MMACHC: variants seen among roughly 807,000 people sequenced by gnomAD.
MMACHC encodes metabolism of cobalamin associated C, also known as cyanocobalamin reductase / alkylcobalamin dealkylase.
Under a neutral mutation model 17.6 loss-of-function variants are expected in MMACHC, and 14 were observed. The ratio of observed to expected loss-of-function variants is 0.80; its 90% CI spans 0.53 to 1.25. The LOEUF (loss-of-function observed/expected upper bound fraction) is 1.25. MMACHC is among the 50% of genes most tolerant of loss of function. The probability of loss-of-function intolerance (pLI) is 0.00; values close to 1 mark genes in which losing one functional copy is unlikely to be tolerated. For missense variants in MMACHC, 392 were observed against 364.5 expected (o/e 1.08, Z -0.62); for synonymous variants, 151 against 142.1 (o/e 1.06, Z -0.45).
At chr1:45,506,995 T>C (rs949741054) in intron 1 of MMACHC, among the ~76,000 whole-genome samples, 4 of 151,806 alleles carry the variant, frequency 2.6e-5, no homozygotes, top group African/African-American at 7.2e-5. Context: ...GGCGAAACCC[T>C]GTCTCTACTA....
In MMACHC at chr1:45,500,371, G is replaced by A. The variant is rs764626433; in HGVS notation, c.39G>A (p.Glu13=). The A allele has an allele frequency of 1.2e-6, 2 of 1,614,170 alleles. No individual in the cohort carries two copies. Among genetic ancestry groups the A allele is most frequent in the Middle Eastern group, 1.7e-4 (1 of 6,040 alleles). Residue 13 remains glutamate (E), a synonymous_variant, in exon 1 of 4, where the codon GAG becomes GAA. Transcript: ENST00000401061. ...PKVAELKQKI[E]DTLCPFGFEV... ...TCGCAGAGCTGAAGCAGAAGATCGA[G>A]GACACGCTATGTCCTTTTGGCTTCG...
Position 45,506,482 on chromosome 1 carries a change from T to TTTA in MMACHC, c.82-859_82-857dup, listed in dbSNP as rs954234697. 7.5e-4 allele frequency among the ~76,000 whole-genome samples: 114 copies of TTTA among 152,008 alleles called. 1 individual carries two copies. The highest frequency in any genetic ancestry group is 2.2e-3 in the African/African-American group (90 of 41,454). On this transcript the variant is annotated intron_variant, in intron 1 of 3. Coordinates refer to ENST00000401061, the MANE Select transcript of MMACHC (RefSeq NM_015506.3). Reference sequence around the variant, plus strand: ...CTCGTTCCTGGGTTTTTAATTTTCTTTTATTATTATTATTATTTTTTGAGG... The same window carrying TTTA: ...CTCGTTCCTGGGTTTTTAATTTTCTTTTATTATTATTATTATTATTTTTTGAGG...
Position 45,511,368 on chromosome 1 carries a change from A to G in MMACHC, c.*2153A>G. 1 of 1,613,294 alleles carries G rather than the reference A, an allele frequency of 6.2e-7. No homozygotes were observed. The highest frequency in any genetic ancestry group is 8.5e-7 in the Non-Finnish European group (1 of 1,179,714). On this transcript the variant is annotated 3_prime_UTR_variant, in exon 4 of 4. Transcript: ENST00000401061. ...AGAAATATTCTTTGCTCTTTTGGAC[A>G]TCAGGCTTGATGGTATCACTGCCAG...
At position 45,509,590 on chromosome 1, in the gene MMACHC, T is replaced by C. The variant is rs929911833; in HGVS notation, c.*375T>C. The stretch of plus-strand genomic sequence containing the variant: ...ACTACACCTGGCTAATTTTTTGTAT[T>C]TTTAGTAGAGATGGGGTTTCATCAT... On this transcript the variant is annotated 3_prime_UTR_variant, in exon 4 of 4. Coordinates refer to ENST00000401061, the MANE Select transcript of MMACHC (RefSeq NM_015506.3). The C allele has an allele frequency of 1.0e-5, 2 of 194,506 alleles. No individual in the cohort carries two copies. The highest frequency in any genetic ancestry group is 4.8e-5 in the African/African-American group (2 of 41,804). The allele number at this position is 194,506 out of a possible 1,614,324, so 12.0% of individuals were successfully genotyped here.
Position 45,500,323 on chromosome 1 carries a change from A to G in MMACHC, c.-10A>G. ...TCATTCCCCAGCAAGCTCAGCGTGTAACGTGCGCTATGGAGCCGAAAGTCG... is the reference window on the plus strand; with the variant it reads ...TCATTCCCCAGCAAGCTCAGCGTGTGACGTGCGCTATGGAGCCGAAAGTCG... On this transcript the variant is annotated 5_prime_UTR_variant, in exon 1 of 4. Coordinates refer to ENST00000401061, the MANE Select transcript of MMACHC (RefSeq NM_015506.3). The G allele has an allele frequency of 6.2e-7, 1 of 1,614,034 alleles. No individual in the cohort carries two copies.
Position 45,503,281 on chromosome 1 carries a change from C to T in MMACHC, c.81+2868C>T, listed in dbSNP as rs185335437. Among the ~76,000 whole-genome samples the T allele has an allele frequency of 6.0e-4, 91 of 151,942 alleles. 1 individual carries two copies. In the East Asian group the frequency reaches 0.017, roughly 29 times the overall value. ...GGCGTGGTGGTGTGCACCTGTAATC[C>T]CGGCTACTCGGGAGGCTGAAGCAGG... On this transcript the variant is annotated intron_variant, in intron 1 of 3. Coordinates refer to ENST00000401061, the MANE Select transcript of MMACHC (RefSeq NM_015506.3).
chr1:45,503,678 C>T (rs1038153571), intron 1 of MMACHC, among the ~76,000 whole-genome samples: 2 of 152,148 alleles, frequency 1.3e-5, no homozygotes, highest in Non-Finnish European at 2.9e-5. Context: ...AGTTGAGCAC[C>T]GACACAGACT....
At chr1:45,502,989 G>C (rs1267424512) in intron 1 of MMACHC, among the ~76,000 whole-genome samples, 2 of 152,118 alleles carry the variant, frequency 1.3e-5, no homozygotes, top group Non-Finnish European at 2.9e-5. Context: ...ACAGGCATGA[G>C]CCACCATGCC....
At chr1:45,508,774 C>A in intron 3 of MMACHC, 22 bp from the exon 4 acceptor site, 1 of 1,609,782 alleles carries the variant, frequency 6.2e-7, no homozygotes, top group Non-Finnish European at 8.5e-7. Flanking sequence ...CATGACCTTG[C>A]TTTTCTTCAC....
chr1:45,505,763 G>A (rs1259900668), intron 1 of MMACHC, among the ~76,000 whole-genome samples: 2 of 152,100 alleles, frequency 1.3e-5, no homozygotes, highest in East Asian at 2.0e-4. Context: ...TTAGCCGGGC[G>A]TGGTGGCACG....
In MMACHC at chr1:45,509,278, A is replaced by G; in HGVS notation, c.*63A>G. The G allele has an allele frequency of 1.9e-6, 3 of 1,583,458 alleles. No homozygotes were observed. The highest frequency in any genetic ancestry group is 4.5e-5 in the East Asian group (2 of 44,730). On this transcript the variant is annotated 3_prime_UTR_variant, in exon 4 of 4. Coordinates refer to ENST00000401061, the MANE Select transcript of MMACHC (RefSeq NM_015506.3). ...GCTAGGACTTAATTGGCTTTGGCAA[A>G]GCAAAAGGTTTTGAGTACAAGATTA... is the stretch of plus-strand genomic sequence containing the variant.
intron 1 of MMACHC, among the ~76,000 whole-genome samples, chr1:45,506,127 T>C (rs944126754): frequency 2.6e-5 from 4 of 152,114 alleles, no homozygotes; most frequent in African/African-American, 9.7e-5. Flanking sequence ...GAAGTGCTGG[T>C]TGGGAAGAGA....
intron 1 of MMACHC, among the ~76,000 whole-genome samples, chr1:45,501,262 A>T (rs1009819428): frequency 6.6e-6 from 1 of 151,986 alleles, no homozygotes. Flanking sequence ...CCGCACCCCG[A>T]CCCCCATTTA....
In MMACHC at chr1:45,508,889, C is replaced by T. The variant is rs761889099; in HGVS notation, c.523C>T (p.Pro175Ser). The change falls in exon 4 of 4, where the codon CCA (proline) becomes TCA (serine). Residue 175 changes from proline to serine, a missense_variant. Pro to Ser is a moderately conservative substitution (Grantham distance 74, BLOSUM62 -1). Transcript: ENST00000401061. Reference sequence around the variant, plus strand: ...GCCAGGGATAGAGGTGCCAGATCTGCCACCCAGAAAACCTCATGACTGTGT... The same window carrying T: ...GCCAGGGATAGAGGTGCCAGATCTGTCACCCAGAAAACCTCATGACTGTGT... ...LLPGIEVPDL[P>S]PRKPHDCVPT... is the part of the protein sequence containing the mutation. The T allele has an allele frequency of 6.2e-7, 1 of 1,614,216 alleles. No homozygotes were observed. Among genetic ancestry groups the T allele is most frequent in the Non-Finnish European group, 8.5e-7 (1 of 1,180,036 alleles).
chr1:45,509,432 T>TTTTA lies in MMACHC; in HGVS notation c.*217_*218insTTTA. ...TTCAAATGAGTTTTTTTTTTTTTTTTAGACAGAGTCTTACTCTGTCACCTA... is the reference window on the plus strand; with the variant it reads ...TTCAAATGAGTTTTTTTTTTTTTTTTTTTAAGACAGAGTCTTACTCTGTCACCTA... On this transcript the variant is annotated 3_prime_UTR_variant, in exon 4 of 4. Transcript: ENST00000401061. The TTTTA allele has an allele frequency of 1.3e-5, 7 of 539,866 alleles. No individual in the cohort carries two copies. In the East Asian group the frequency reaches 2.5e-4, roughly 19 times the overall value. The allele number at this position is 539,866 out of a possible 1,614,324, so 33.4% of individuals were successfully genotyped here.
At chr1:45,500,951 T>C (rs1304289994) in intron 1 of MMACHC, among the ~76,000 whole-genome samples, 2 of 151,552 alleles carry the variant, frequency 1.3e-5, no homozygotes, top group Non-Finnish European at 2.9e-5. Context: ...AGACACCATA[T>C]GACCTGTAGC....
At chr1:45,505,398 A>T (rs1413420570) in intron 1 of MMACHC, among the ~76,000 whole-genome samples, 1 of 152,036 alleles carries the variant, frequency 6.6e-6, no homozygotes, top group East Asian at 1.9e-4. Flanking sequence ...CAATAAGCCG[A>T]GGCTGCGCCA....
At chr1:45,500,525 C>T in intron 1 of MMACHC, 112 bp downstream of exon 1, 1 of 1,009,668 alleles carries the variant, frequency 9.9e-7, no homozygotes. Flanking sequence ...GCCCAGTGTC[C>T]ATGTGACAAC....
At chr1:45,501,262 A>G (rs1009819428) in intron 1 of MMACHC, among the ~76,000 whole-genome samples, 1 of 151,986 alleles carries the variant, frequency 6.6e-6, no homozygotes, top group African/African-American at 2.4e-5. Context: ...CCGCACCCCG[A>G]CCCCCATTTA....
Sources: gnomAD v4.1 joint callset for allele counts (sites outside exome capture counted in the v4.1 genomes callset) on GRCh38, gnomAD v4.1.1 for gene constraint, MANE v1.5 for transcripts, NCBI Gene and HGNC (gene_info 2026-07-23, HGNC 2026-07-21) for gene names.